Variants in PCDHA7 observed in about 807,000 individuals in gnomAD.
PCDHA7 encodes the protein protocadherin alpha-7.
In PCDHA7, 37 loss-of-function variants were observed where a neutral mutation model predicts 57.2. The ratio of observed to expected loss-of-function variants is 0.65; its 90% CI spans 0.50 to 0.85. The LOEUF is 0.85. Among genes scored for constraint, PCDHA7 ranks in the 40% least tolerant of loss-of-function variants. PCDHA7 has a pLI of 0.00. For missense variants in PCDHA7, 1,188 were observed against 1,241.8 expected (o/e 0.96, Z 0.65); for synonymous variants, 553 against 558.8 (o/e 0.99, Z 0.15).
In PCDHA7 at chr5:140,883,374, T is replaced by G. The variant is rs1554177931; in HGVS notation, c.2355+46636T>G. The G allele has an allele frequency of 2.5e-6, 4 of 1,614,054 alleles. No individual in the cohort carries two copies. The African/African-American group carries it at 5.3e-5, about 22-fold the overall frequency. On this transcript the variant is annotated intron_variant, in intron 1 of 3. Transcript: ENST00000525929. ...GAAGACACTCAGCCTAGCGCCATTA[T>G]TGCCCTAATCAGTGTGTCCGATCGT...
In PCDHA7 at chr5:140,834,744, G is replaced by A. The variant is rs1554134479; in HGVS notation, c.361G>A (p.Val121Met). ...ERPLQVFHVD[V>M]EVKDINDNPP... Reference sequence around the variant, plus strand: ...GCCGCTGCAGGTTTTCCATGTGGACGTGGAGGTGAAGGACATTAACGACAA... The same window carrying A: ...GCCGCTGCAGGTTTTCCATGTGGACATGGAGGTGAAGGACATTAACGACAA... Residue 121 changes from valine (V) to methionine (M), a missense_variant, in exon 1 of 4, where the codon GTG becomes ATG. Around this residue, in one of 3 missense-constraint regions of PCDHA7, gnomAD observed 194 missense variants for 185.8 expected, o/e 1.04. Coordinates refer to ENST00000525929, the MANE Select transcript of PCDHA7 (RefSeq NM_018910.3). The A allele has an allele frequency of 2.5e-6, 4 of 1,614,214 alleles. No homozygotes were observed. The highest frequency in any genetic ancestry group is 3.4e-6 in the Non-Finnish European group (4 of 1,180,034).
chr5:140,852,204 A>G lies in PCDHA7; in HGVS notation c.2355+15466A>G, dbSNP rs2150513408. On this transcript the variant is annotated intron_variant, in intron 1 of 3. Transcript: ENST00000525929. The stretch of plus-strand genomic sequence containing the variant: ...ATGAAAATGCCAGTAACGTTTATTT[A>G]AAACAAAATATTTTAATTTTTAAAT... The G allele has an allele frequency of 7.5e-6, 5 of 666,504 alleles. No homozygotes were observed. The African/African-American group carries it at 9.8e-5, about 13-fold the overall frequency. 41.3% of individuals were successfully genotyped at this position (666,504 alleles called of 1,614,324 possible).
chr5:140,856,458 A>G, intron 1 of PCDHA7: 1 of 1,598,416 alleles, frequency 6.3e-7, no homozygotes, highest in South Asian at 1.1e-5. Context: ...GTAACAGAAC[A>G]AAAGCTCTCA....
chr5:140,884,057 G>A (rs141156800), intron 1 of PCDHA7: 6 of 1,613,540 alleles, frequency 3.7e-6, no homozygotes, highest in Non-Finnish European at 5.1e-6. Context: ...GGTGCGCGCG[G>A]TGGACGCCGA....
chr5:140,972,837 T>C (rs1328315293), intron 1 of PCDHA7, among the ~76,000 whole-genome samples: 1 of 152,004 alleles, frequency 6.6e-6, no homozygotes, highest in Non-Finnish European at 1.5e-5. Context: ...CTAATTTTTG[T>C]ATTTTTAGTA....
At chr5:140,854,961 T>C (rs557755220) in intron 1 of PCDHA7, among the ~76,000 whole-genome samples, 1 of 150,064 alleles carries the variant, frequency 6.7e-6, no homozygotes, top group South Asian at 2.1e-4. Flanking sequence ...TTAATTACTT[T>C]ATTCAGAATT....
chr5:140,868,792 C>A, intron 1 of PCDHA7: 1 of 326,784 alleles, frequency 3.1e-6, no homozygotes, highest in South Asian at 7.0e-5. Context: ...TCTGAATATT[C>A]CATAAATAAG....
rs1358693370 is a variant in PCDHA7, at chr5:140,846,736, G to C, written c.2355+9998G>C. 1.3e-5 allele frequency among the ~76,000 whole-genome samples: 2 copies of C among 149,142 alleles called. 1 individual carries two copies. Among genetic ancestry groups the C allele is most frequent in the Non-Finnish European group, 3.0e-5 (2 of 66,802 alleles). On this transcript the variant is annotated intron_variant, in intron 1 of 3. Coordinates refer to ENST00000525929, the MANE Select transcript of PCDHA7 (RefSeq NM_018910.3). ...ACCAGTCTTCATTAAACATTAAATA[G>C]GACCCTTACAGATCTCTAACAGCAT...
chr5:140,870,537 G>C (rs575452776), intron 1 of PCDHA7: 1 of 1,614,172 alleles, frequency 6.2e-7, no homozygotes, highest in Non-Finnish European at 8.5e-7. Context: ...CAGTGTCGGC[G>C]CGGGACGCGG....
Position 140,906,732 on chromosome 5 carries a change from T to G in PCDHA7, c.2355+69994T>G, listed in dbSNP as rs535007647. On this transcript the variant is annotated intron_variant, in intron 1 of 3. Coordinates refer to ENST00000525929, the MANE Select transcript of PCDHA7 (RefSeq NM_018910.3). ...CTGCCTGGATTGTGCTGTTGTAGTT[T>G]CCCATTGACACAGGGCATGGTAATA... Among the ~76,000 whole-genome samples, 14 of 152,296 alleles carry G rather than the reference T, an allele frequency of 9.2e-5. No individual in the cohort carries two copies. The South Asian group carries it at 2.7e-3, about 29-fold the overall frequency.
intron 1 of PCDHA7, among the ~76,000 whole-genome samples, chr5:140,873,370 T>A (rs2054256707): frequency 6.6e-6 from 1 of 152,166 alleles, no homozygotes; most frequent in Non-Finnish European, 1.5e-5. Flanking sequence ...TAACTGAAGA[T>A]CTTTTAAAGA....
At chr5:140,883,024 A>G (rs782136244) in intron 1 of PCDHA7, 3 of 1,614,184 alleles carry the variant, frequency 1.9e-6, no homozygotes, top group Non-Finnish European at 2.5e-6. Context: ...TGACGGTGTT[A>G]GAGAACGCCT....
chr5:140,878,252 C>T (rs1250494755), intron 1 of PCDHA7, among the ~76,000 whole-genome samples: 26 of 152,184 alleles, frequency 1.7e-4, no homozygotes, highest in African/African-American at 3.1e-4. Context: ...CTCTTCCTCA[C>T]GTGCTTAGGC....
At position 140,870,592 on chromosome 5, in the gene PCDHA7, C is replaced by T. The variant is rs202164332; in HGVS notation, c.2355+33854C>T. The T allele has an allele frequency of 8.8e-4, 1,421 of 1,613,554 alleles. 8 individuals carry two copies. The African/African-American group carries it at 0.017, about 19-fold the overall frequency. On this transcript the variant is annotated intron_variant, in intron 1 of 3. Coordinates refer to ENST00000525929, the MANE Select transcript of PCDHA7 (RefSeq NM_018910.3). ...GGTGTCCTACTCGCTGGTGGAGCGGCGGTTGGGCGACCGCGCGCTGTCGAG... is the reference window on the plus strand; with the variant it reads ...GGTGTCCTACTCGCTGGTGGAGCGGTGGTTGGGCGACCGCGCGCTGTCGAG...
intron 1 of PCDHA7, chr5:140,859,716 A>T (rs2045984140): frequency 1.3e-5 from 2 of 154,266 alleles, no homozygotes. Flanking sequence ...CACCAAAAAA[A>T]AATTGTGGCA....
chr5:140,999,600 TG>T (rs1213821435), intron 3 of PCDHA7, among the ~76,000 whole-genome samples: 3 of 152,150 alleles, frequency 2.0e-5, no homozygotes. Context: ...CCCTACATCC[TG>T]GGGGACCTTA....
chr5:140,861,627 T>C, intron 1 of PCDHA7: 1 of 322,548 alleles, frequency 3.1e-6, no homozygotes, highest in South Asian at 3.1e-5. Flanking sequence ...GCCAGTGTTC[T>C]CAGCAACACA....
At position 140,836,306 on chromosome 5, in the gene PCDHA7, C is replaced by T. The variant is rs2150257273; in HGVS notation, c.1923C>T (p.Asp641=). ...CGACACGAGCCCTAGATGAGACGGA[C>T]GCACCGCGCCACCGCCTTCTGGTGC... ...ISTTRALDET[D]APRHRLLVLV... The change falls in exon 1 of 4, where the codon GAC becomes GAT. Residue 641 remains aspartate, a synonymous_variant. Coordinates refer to ENST00000525929, the MANE Select transcript of PCDHA7 (RefSeq NM_018910.3). 4 of 1,613,706 alleles carry T rather than the reference C, an allele frequency of 2.5e-6. No individual in the cohort carries two copies. The highest frequency in any genetic ancestry group is 3.4e-6 in the Non-Finnish European group (4 of 1,179,808).
At chr5:140,842,910 T>C (rs1778388313) in intron 1 of PCDHA7, 1 of 1,594,510 alleles carries the variant, frequency 6.3e-7, no homozygotes, top group Non-Finnish European at 8.6e-7. Context: ...GAGCTAGAGC[T>C]GCTGCAGTTC....
Sources: allele counts gnomAD v4.1 joint callset (sites outside exome capture counted in the v4.1 genomes callset), GRCh38; gene constraint gnomAD v4.1.1; regional missense constraint gnomAD v4.1.1; transcripts MANE v1.5; gene names NCBI Gene and HGNC (gene_info 2026-07-23, HGNC 2026-07-21).